Variants in PCDH9 observed in about 807,000 individuals in gnomAD.
PCDH9 encodes the protein protocadherin 9.
Under a neutral mutation model 70.6 loss-of-function variants are expected in PCDH9, and 24 were observed. That is an observed-to-expected ratio of 0.34 (90% confidence interval 0.25 to 0.48). The LOEUF is 0.48. Among genes scored for constraint, PCDH9 ranks in the 20% least tolerant of loss-of-function variants. PCDH9 has a pLI of 0.99. For missense variants in PCDH9, 1,281 were observed against 1,503.6 expected (o/e 0.85, Z 2.45); for synonymous variants, 562 against 558.5 (o/e 1.01, Z -0.09).
In PCDH9 at chr13:67,215,347, G is replaced by T. The variant is rs534499900; in HGVS notation, c.3036+10058C>A. 7 of 151,880 alleles carry T rather than the reference G, an allele frequency of 4.6e-5. No homozygotes were observed. In the South Asian group the frequency reaches 1.5e-3, roughly 32 times the overall value. 9.4% of individuals were successfully genotyped at this position (151,880 alleles called of 1,614,324 possible). A position where few individuals can be genotyped will look rare whatever the true frequency, so the allele number is the denominator to read the frequency against. On this transcript the variant is annotated intron_variant, in intron 2 of 4. Transcript: ENST00000377865. ...TTTATAGAATTTATACTTGATTCTG[G>T]CATACTGTCTGGATGGCTCAAAAGT...
chr13:67,119,286 A>G (rs1415710618), intron 2 of PCDH9, among the ~76,000 whole-genome samples: 2 of 152,054 alleles, frequency 1.3e-5, no homozygotes, highest in African/African-American at 4.8e-5. Context: ...TATATGATAC[A>G]TTCCTTTTCT....
At chr13:66,965,039 A>G (rs536823600) in intron 2 of PCDH9, among the ~76,000 whole-genome samples, 1 of 152,098 alleles carries the variant, frequency 6.6e-6, no homozygotes, top group Non-Finnish European at 1.5e-5. Context: ...AGAAATGAAT[A>G]AAGTATTTAA....
At chr13:66,592,354 T>C (rs1050360700) in intron 4 of PCDH9, among the ~76,000 whole-genome samples, 3 of 151,674 alleles carry the variant, frequency 2.0e-5, no homozygotes, top group African/African-American at 7.2e-5. Context: ...AGAAAGGGTC[T>C]AAAATATTCT....
intron 3 of PCDH9, among the ~76,000 whole-genome samples, chr13:66,757,983 C>T (rs962794614): frequency 6.6e-5 from 10 of 151,852 alleles, no homozygotes; most frequent in African/African-American, 9.7e-5. Context: ...ATACTAACAT[C>T]ATTAATGAAC....
At chr13:66,449,840 T>C (rs1211636962) in intron 4 of PCDH9, among the ~76,000 whole-genome samples, 1 of 152,158 alleles carries the variant, frequency 6.6e-6, no homozygotes, top group Non-Finnish European at 1.5e-5. Flanking sequence ...ACTAATTCTA[T>C]TCTAGAGTTA....
chr13:67,201,524 C>T (rs1011081760), intron 2 of PCDH9: 6 of 151,802 alleles, frequency 4.0e-5, no homozygotes, highest in African/African-American at 1.5e-4. Context: ...AGAATTCTAC[C>T]AATTTTTAAC....
chr13:66,343,205 T>C (rs1593831567), intron 4 of PCDH9, among the ~76,000 whole-genome samples: 1 of 152,160 alleles, frequency 6.6e-6, no homozygotes, highest in East Asian at 1.9e-4. Context: ...AATTTTCTGT[T>C]GCTAATGTAA....
intron 2 of PCDH9, among the ~76,000 whole-genome samples, chr13:67,047,617 T>C (rs371080628): frequency 3.3e-5 from 5 of 152,182 alleles, no homozygotes; most frequent in African/African-American, 1.2e-4. Flanking sequence ...TACAGTTTCA[T>C]AGATAAATTC....
At chr13:66,579,907 A>G (rs1386298462) in intron 4 of PCDH9, among the ~76,000 whole-genome samples, 1 of 152,106 alleles carries the variant, frequency 6.6e-6, no homozygotes, top group Non-Finnish European at 1.5e-5. Context: ...ACATTAAGTG[A>G]GCTGATACTG....
At chr13:66,899,180 T>C (rs1338508068) in intron 3 of PCDH9, among the ~76,000 whole-genome samples, 1 of 152,058 alleles carries the variant, frequency 6.6e-6, no homozygotes, top group Non-Finnish European at 1.5e-5. Context: ...GCAAAACCTG[T>C]GTTATGAATT....
At chr13:66,578,667 G>T (rs2076848651) in intron 4 of PCDH9, among the ~76,000 whole-genome samples, 4 of 152,074 alleles carry the variant, frequency 2.6e-5, no homozygotes. Context: ...AATAGTTCAT[G>T]CATTAAGTAG....
intron 3 of PCDH9, among the ~76,000 whole-genome samples, chr13:66,660,183 C>A (rs928856667): frequency 1.3e-5 from 2 of 152,128 alleles, no homozygotes; most frequent in African/African-American, 2.4e-5. Context: ...TGGTGAAATG[C>A]CGTGGAAATG....
intron 4 of PCDH9, among the ~76,000 whole-genome samples, chr13:66,459,376 C>T (rs1000494966): frequency 5.3e-5 from 8 of 151,932 alleles, no homozygotes; most frequent in South Asian, 2.1e-4. Flanking sequence ...GTAAGATCTC[C>T]GGATGAAAAA....
chr13:66,470,639 A>T (rs951869218), intron 4 of PCDH9, among the ~76,000 whole-genome samples: 3 of 151,980 alleles, frequency 2.0e-5, no homozygotes, highest in East Asian at 3.9e-4. Flanking sequence ...AAACCCTAAA[A>T]ATGTGAAATG....
chr13:66,546,662 A>C (rs538624777), intron 4 of PCDH9, among the ~76,000 whole-genome samples: 28 of 152,160 alleles, frequency 1.8e-4, no homozygotes, highest in Non-Finnish European at 3.5e-4. Context: ...CAGAGTTTAT[A>C]AAGTTTACAG....
intron 2 of PCDH9, among the ~76,000 whole-genome samples, chr13:67,097,486 A>T (rs1391860393): frequency 6.6e-6 from 1 of 151,740 alleles, no homozygotes; most frequent in Non-Finnish European, 1.5e-5. Flanking sequence ...TTTCACTAGG[A>T]AAAAAAATAC....
At chr13:66,882,384 G>A (rs1048204849) in intron 3 of PCDH9, among the ~76,000 whole-genome samples, 4 of 152,126 alleles carry the variant, frequency 2.6e-5, no homozygotes, top group African/African-American at 9.7e-5. Flanking sequence ...TTATGCCACA[G>A]TTTTGCTCCT....
chr13:66,898,600 G>A (rs568345550), intron 3 of PCDH9, among the ~76,000 whole-genome samples: 1 of 151,962 alleles, frequency 6.6e-6, no homozygotes. Context: ...ATACAGGTAT[G>A]TGGTATAATA....
intron 4 of PCDH9, among the ~76,000 whole-genome samples, chr13:66,391,373 G>T (rs1298214748): frequency 6.6e-6 from 1 of 152,138 alleles, no homozygotes; most frequent in African/African-American, 2.4e-5. Context: ...TAACGAGAAG[G>T]TTTCAAATAC....
Sources: gnomAD v4.1 joint callset for allele counts (sites outside exome capture counted in the v4.1 genomes callset) on GRCh38, gnomAD v4.1.1 for gene constraint, MANE v1.5 for transcripts, NCBI Gene and HGNC (gene_info 2026-07-23, HGNC 2026-07-21) for gene names.